VEGFA: variants seen among roughly 807,000 people sequenced by gnomAD.
The protein encoded by VEGFA is vascular endothelial growth factor A, long form.
Under a neutral mutation model 49.7 loss-of-function variants are expected in VEGFA, and 20 were observed. The observed-to-expected ratio is 0.40, with a 90% CI of 0.28 to 0.58. The LOEUF (loss-of-function observed/expected upper bound fraction) is 0.58. Among genes scored for constraint, VEGFA ranks in the 20% least tolerant of loss-of-function variants. VEGFA has a pLI of 0.40. For missense variants in VEGFA, 505 were observed against 553.5 expected (o/e 0.91, Z 0.88); for synonymous variants, 219 against 223.4 (o/e 0.98, Z 0.18).
chr6:43,771,336 G>T (rs1378420710), intron 1 of VEGFA, 24 bp downstream of exon 1: 1 of 1,588,182 alleles, frequency 6.3e-7, no homozygotes, highest in East Asian at 2.4e-5. Flanking sequence ...CCCTGCTGGC[G>T]CCGCGGGCCG....
chr6:43,780,326 C>T (rs900243712), intron 5 of VEGFA: 21 of 328,848 alleles, frequency 6.4e-5, no homozygotes, highest in South Asian at 2.4e-4. Flanking sequence ...TTATCACCCC[C>T]GGACCTTCAG....
At chr6:43,771,560 G>T (rs1023871466) in intron 1 of VEGFA, among the ~76,000 whole-genome samples, 1 of 152,194 alleles carries the variant, frequency 6.6e-6, no homozygotes, top group Non-Finnish European at 1.5e-5. Flanking sequence ...CCGCACGTAC[G>T]ATCTGGGCCG....
In VEGFA at chr6:43,771,062, G is replaced by A; in HGVS notation, c.356G>A (p.Trp119Ter). 6.6e-7 allele frequency: 1 copy of A among 1,512,440 alleles called. No homozygotes were observed. The highest frequency in any genetic ancestry group is 8.8e-7 in the Non-Finnish European group (1 of 1,130,396). The allele number at this position is 1,512,440 out of a possible 1,614,324, so 93.7% of individuals were successfully genotyped here. A position where few individuals can be genotyped will look rare whatever the true frequency, so the allele number is the denominator to read the frequency against. ...CTCGGCGCTCGGAAGCCGGGCTCAT[G>A]GACGGGTGAGGCGGCGGTGTGCGCA... Residue 119 changes from tryptophan (W) to a stop codon, truncating the protein, a stop_gained, in exon 1 of 8, where the codon TGG (tryptophan) becomes TAG (stop). Coordinates refer to ENST00000672860, the MANE Select transcript of VEGFA (RefSeq NM_003376.6). LOFTEE classifies it high-confidence loss of function.
intron 2 of VEGFA, 46 bp downstream of exon 2, chr6:43,774,438 G>A (rs1458546805): frequency 5.6e-6 from 9 of 1,599,494 alleles, no homozygotes; most frequent in Non-Finnish European, 7.7e-6. Flanking sequence ...CCTCTCAGGG[G>A]ATGGGTGGAT....
In VEGFA at chr6:43,777,206, C is replaced by T. The variant is rs1359845755; in HGVS notation, c.659-263C>T. The T allele has an allele frequency of 5.5e-6, 3 of 540,580 alleles. No homozygotes were observed. The highest frequency in any genetic ancestry group is 1.9e-5 in the African/African-American group (1 of 53,112). 33.5% of individuals were successfully genotyped at this position (540,580 alleles called of 1,614,324 possible). On this transcript the variant is annotated intron_variant, in intron 2 of 7. Transcript: ENST00000672860. This position sits in a 1 kb window ranked among gnomAD's most constrained non-coding sequence, Gnocchi z 4.3. ...CAGTTCAGCTGTCACAGTGAGGTGGCGGGATCAGATGTGGCAGGCCATGTC... is the reference window on the plus strand; with the variant it reads ...CAGTTCAGCTGTCACAGTGAGGTGGTGGGATCAGATGTGGCAGGCCATGTC...
At position 43,770,674 on chromosome 6, in the gene VEGFA, TC is replaced by T; in HGVS notation, c.-28del. The T allele has an allele frequency of 2.0e-6, 3 of 1,533,052 alleles. No homozygotes were observed. The highest frequency in any genetic ancestry group is 2.6e-5 in the East Asian group (1 of 37,904). 95.0% of individuals were successfully genotyped at this position (1,533,052 alleles called of 1,614,324 possible). On this transcript the variant is annotated 5_prime_UTR_variant, in exon 1 of 8. Transcript: ENST00000672860. ...GACCGCCGGAGCGCGGCGTGAGCCC[TC>T]CCCCTTGGGATCCCGCAGCTGACCA...
chr6:43,774,461 T>C, intron 2 of VEGFA, 69 bp downstream of exon 2: 1 of 1,565,042 alleles, frequency 6.4e-7, no homozygotes, highest in Non-Finnish European at 8.8e-7. Context: ...CCTAATTCCT[T>C]TTTCTTCAGA....
Position 43,784,616 on chromosome 6 carries a change from C to T in VEGFA, c.*54C>T. The T allele has an allele frequency of 6.2e-7, 1 of 1,614,156 alleles. No homozygotes were observed. Among genetic ancestry groups the T allele is most frequent in the Non-Finnish European group, 8.5e-7 (1 of 1,180,010 alleles). On this transcript the variant is annotated 3_prime_UTR_variant, in exon 8 of 8. Transcript: ENST00000672860. Reference sequence around the variant, plus strand: ...GGGTTTCGGGAACCAGATCTCTCACCAGGAAAGACTGATACAGAACGATCG... The same window carrying T: ...GGGTTTCGGGAACCAGATCTCTCACTAGGAAAGACTGATACAGAACGATCG...
At chr6:43,784,506 C>T (rs547664371) in intron 7 of VEGFA, 35 bp from the exon 8 acceptor site, 4 of 1,612,128 alleles carry the variant, frequency 2.5e-6, no homozygotes, top group East Asian at 2.2e-5. Context: ...CCTCACTTGG[C>T]CCTAACCCCA....
At chr6:43,781,448 C>T in intron 6 of VEGFA, 1 of 249,382 alleles carries the variant, frequency 4.0e-6, no homozygotes, top group Non-Finnish European at 7.9e-6. Flanking sequence ...TGTGGTGGGC[C>T]CTGCCCTGGG....
At chr6:43,776,909 G>C (rs1315051250) in intron 2 of VEGFA, 1 of 185,114 alleles carries the variant, frequency 5.4e-6, no homozygotes, top group African/African-American at 2.3e-5. Context: ...CTGTAAAATG[G>C]AATCTCAATA....
chr6:43,784,660 C>T lies in VEGFA; in HGVS notation c.*98C>T, dbSNP rs369043844. On this transcript the variant is annotated 3_prime_UTR_variant, in exon 8 of 8. Transcript: ENST00000672860. ...ACGATCGATACAGAAACCACGCTGC[C>T]GCCACCACACCATCACCATCGACAG... The T allele has an allele frequency of 3.8e-5, 60 of 1,587,644 alleles. No individual in the cohort carries two copies. Among genetic ancestry groups the T allele is most frequent in the Admixed American group, 1.7e-4 (10 of 59,988 alleles).
chr6:43,778,555 A>T lies in VEGFA; in HGVS notation c.932+19A>T. ...AATGCAGGTGAGGATGTAGTCACGG[A>T]TTCATTATCAGCAAGTGGCTGCAGG... is the stretch of plus-strand genomic sequence containing the variant. On this transcript the variant is annotated intron_variant, in intron 4 of 7. Coordinates refer to ENST00000672860, the MANE Select transcript of VEGFA (RefSeq NM_003376.6). 6.2e-7 allele frequency: 1 copy of T among 1,611,402 alleles called. No individual in the cohort carries two copies. The highest frequency in any genetic ancestry group is 1.1e-5 in the South Asian group (1 of 91,022).
At chr6:43,779,649 A>G (rs1766689235) in intron 5 of VEGFA, 3 of 463,070 alleles carry the variant, frequency 6.5e-6, no homozygotes, top group South Asian at 4.6e-5. Context: ...CTGTGCGGAC[A>G]TTGAAGCCCC....
intron 6 of VEGFA, chr6:43,781,364 C>T (rs1376737026): frequency 5.4e-5 from 14 of 258,774 alleles, no homozygotes; most frequent in Non-Finnish European, 9.8e-5. Flanking sequence ...GGAGGGGAGC[C>T]CCCTATTCCG....
At chr6:43,779,086 G>A in intron 5 of VEGFA, 168 bp downstream of exon 5, 1 of 831,330 alleles carries the variant, frequency 1.2e-6, no homozygotes. Context: ...ACTCCAGGAT[G>A]ATGGCTCTAG....
chr6:43,778,668 A>G (rs144233133), intron 4 of VEGFA, 132 bp downstream of exon 4: 4 of 1,087,672 alleles, frequency 3.7e-6, no homozygotes, highest in African/African-American at 1.6e-5. Context: ...TTTTACTTCA[A>G]TGTGCCTCAG....
chr6:43,782,056 A>T lies in VEGFA; in HGVS notation c.1135A>T (p.Arg379Trp). Residue 379 changes from arginine to tryptophan, a missense_variant, in exon 7 of 8, where the codon AGG (arginine) becomes TGG (tryptophan). By Grantham distance (101) the Arg-to-Trp change is moderately radical. Transcript: ENST00000672860. ...AAACACAGACTCGCGTTGCAAGGCGAGGCAGCTTGAGTTAAACGAACGTAC... is the reference window on the plus strand; with the variant it reads ...AAACACAGACTCGCGTTGCAAGGCGTGGCAGCTTGAGTTAAACGAACGTAC... The T allele has an allele frequency of 6.2e-7, 1 of 1,614,082 alleles. No individual in the cohort carries two copies. The highest frequency in any genetic ancestry group is 1.3e-5 in the African/African-American group (1 of 75,034).
In VEGFA at chr6:43,785,636, C is replaced by G. The variant is rs1769329383; in HGVS notation, c.*1074C>G. 1.5e-5 allele frequency: 3 copies of G among 202,760 alleles called. No homozygotes were observed. The highest frequency in any genetic ancestry group is 3.0e-5 in the Non-Finnish European group (3 of 98,766). 12.6% of individuals were successfully genotyped at this position (202,760 alleles called of 1,614,324 possible). A position where few individuals can be genotyped will look rare whatever the true frequency, so the allele number is the denominator to read the frequency against. ...CCTCACACCATTGAAACCACTAGTT[C>G]TGTCCCCCCAGGAGACCTGGTTGTG... On this transcript the variant is annotated 3_prime_UTR_variant, in exon 8 of 8. Transcript: ENST00000672860.
Sources: gnomAD v4.1 joint callset for allele counts (sites outside exome capture counted in the v4.1 genomes callset) on GRCh38, gnomAD v4.1.1 for gene constraint, Gnocchi (gnomAD v3.1) non-coding constraint, MANE v1.5 for transcripts, NCBI Gene and HGNC (gene_info 2026-07-23, HGNC 2026-07-21) for gene names.